HEMK2: variants seen among roughly 807,000 people sequenced by gnomAD.
HEMK2 encodes methyltransferase HEMK2.
the HEMK2 span, among the ~76,000 whole-genome samples, chr21:28,719,778 C>T: frequency 1.8e-3 from 269 of 152,326 alleles, 1 homozygote; most frequent in African/African-American, 6.2e-3. Context: ...TCTTAACATG[C>T]AAGTGTTGAC....
chr21:28,755,128 T>G, the HEMK2 span, among the ~76,000 whole-genome samples: 1,097 of 152,136 alleles, frequency 7.2e-3, 13 homozygotes, highest in African/African-American at 0.025. Context: ...TCGTGTGAGG[T>G]CTTCAGAGGT....
chr21:28,672,993 A>C, the HEMK2 span, among the ~76,000 whole-genome samples: 1 of 118,596 alleles, frequency 8.4e-6, no homozygotes, highest in Non-Finnish European at 1.7e-5. Flanking sequence ...AGAGAAAGAA[A>C]AAGAAAGAGA....
the HEMK2 span, among the ~76,000 whole-genome samples, chr21:28,587,690 AT>A: frequency 6.6e-6 from 1 of 152,096 alleles, no homozygotes; most frequent in Non-Finnish European, 1.5e-5. Flanking sequence ...GTGGAGTTGG[AT>A]TTTTTTAATT....
chr21:28,678,782 T>C, the HEMK2 span, among the ~76,000 whole-genome samples: 1 of 152,278 alleles, frequency 6.6e-6, no homozygotes, highest in South Asian at 2.1e-4. Context: ...GAATTTCATA[T>C]CCAGCCAAAC....
At chr21:28,722,494 TGA>T in the HEMK2 span, among the ~76,000 whole-genome samples, 8 of 152,228 alleles carry the variant, frequency 5.3e-5, no homozygotes, top group Admixed American at 5.2e-4. Context: ...GAAAATTATT[TGA>T]GAGAGTTGTT....
the HEMK2 span, among the ~76,000 whole-genome samples, chr21:28,868,546 T>C: frequency 6.6e-6 from 1 of 152,084 alleles, no homozygotes; most frequent in Non-Finnish European, 1.5e-5. Context: ...TAGCTGGTTG[T>C]GGTGGTGCAC....
chr21:28,762,523 T>C, the HEMK2 span, among the ~76,000 whole-genome samples: 1 of 152,118 alleles, frequency 6.6e-6, no homozygotes, highest in East Asian at 1.9e-4. Context: ...AGAGAGAGTA[T>C]GTACTTTGAC....
chr21:28,657,719 A>C, the HEMK2 span, among the ~76,000 whole-genome samples: 1 of 152,048 alleles, frequency 6.6e-6, no homozygotes, highest in African/African-American at 2.4e-5. Flanking sequence ...CATACTTATG[A>C]TATAATCCCC....
the HEMK2 span, among the ~76,000 whole-genome samples, chr21:28,585,473 G>C: frequency 6.6e-6 from 1 of 151,886 alleles, no homozygotes; most frequent in African/African-American, 2.4e-5. Flanking sequence ...AAAGAACATA[G>C]AGTACCTATG....
chr21:28,643,995 G>A, the HEMK2 span, among the ~76,000 whole-genome samples: 6 of 152,146 alleles, frequency 3.9e-5, no homozygotes, highest in African/African-American at 1.4e-4. Flanking sequence ...GCCAAGACTC[G>A]AAGTTGTGTG....
chr21:28,820,405 G>A, the HEMK2 span, among the ~76,000 whole-genome samples: 5 of 152,080 alleles, frequency 3.3e-5, no homozygotes, highest in South Asian at 2.1e-4. Flanking sequence ...TTGCAAGAAG[G>A]AAGACTAAAG....
At chr21:28,750,479 G>A in the HEMK2 span, among the ~76,000 whole-genome samples, 5 of 151,990 alleles carry the variant, frequency 3.3e-5, no homozygotes, top group East Asian at 3.9e-4. Context: ...CAGGCAGATC[G>A]CTTGAGGCCA....
At chr21:28,750,868 T>C in the HEMK2 span, among the ~76,000 whole-genome samples, 2 of 152,120 alleles carry the variant, frequency 1.3e-5, no homozygotes, top group Non-Finnish European at 2.9e-5. Context: ...GCCTAAAATG[T>C]TGTGATACAG....
chr21:28,657,769 C>G, the HEMK2 span, among the ~76,000 whole-genome samples: 1 of 151,924 alleles, frequency 6.6e-6, no homozygotes, highest in African/African-American at 2.4e-5. Context: ...GGCTGCCAAC[C>G]AGGAAAAATA....
the HEMK2 span, among the ~76,000 whole-genome samples, chr21:28,628,353 G>C: frequency 2.6e-5 from 4 of 152,148 alleles, no homozygotes; most frequent in African/African-American, 9.7e-5. Flanking sequence ...CAACCACTAT[G>C]AGTTAAGAAT....
the HEMK2 span, among the ~76,000 whole-genome samples, chr21:28,686,220 T>G: frequency 6.6e-6 from 1 of 152,014 alleles, no homozygotes; most frequent in Non-Finnish European, 1.5e-5. Context: ...TTTTTTTGTT[T>G]TTGTTGTTGT....
the HEMK2 span, among the ~76,000 whole-genome samples, chr21:28,810,420 G>A: frequency 9.2e-5 from 14 of 152,272 alleles, no homozygotes; most frequent in East Asian, 3.9e-4. Flanking sequence ...AGAAATATCC[G>A]CTAGTACCAG....
the HEMK2 span, among the ~76,000 whole-genome samples, chr21:28,652,629 G>C: frequency 6.6e-6 from 1 of 152,070 alleles, no homozygotes; most frequent in South Asian, 2.1e-4. Context: ...ACTCCATTAA[G>C]CTATTGTTCA....
At chr21:28,673,885 C>G in the HEMK2 span, among the ~76,000 whole-genome samples, 1 of 151,924 alleles carries the variant, frequency 6.6e-6, no homozygotes, top group African/African-American at 2.4e-5. Flanking sequence ...TAAAATTAAC[C>G]ACTCAGATAA....
Sources: allele counts gnomAD v4.1 joint callset (sites outside exome capture counted in the v4.1 genomes callset), GRCh38; gene constraint gnomAD v4.1.1; transcripts MANE v1.5; gene names NCBI Gene and HGNC (gene_info 2026-07-23, HGNC 2026-07-21).